The following EPHA3 variants were observed in gnomAD, a reference collection of about 807,000 sequenced individuals.
The protein encoded by EPHA3 is EPH receptor A3, also known as ephrin type-A receptor 3.
In EPHA3, 42 loss-of-function variants were observed where a neutral mutation model predicts 107.1. The ratio of observed to expected loss-of-function variants is 0.39; its 90% CI spans 0.31 to 0.51. EPHA3 has a LOEUF of 0.51. Among genes scored for constraint, EPHA3 ranks in the 20% least tolerant of loss-of-function variants. EPHA3 has a pLI of 0.78. For missense variants in EPHA3, 1,183 were observed against 1,211.2 expected, an observed-to-expected ratio of 0.98 and a Z score of 0.35; for synonymous variants, 461 against 424.8, an observed-to-expected ratio of 1.09 and a Z score of -1.05.
At position 89,125,894 on chromosome 3, in the gene EPHA3, C is replaced by T. The variant is rs1207338362; in HGVS notation, c.89-1315C>T. Among the ~76,000 whole-genome samples the T allele has an allele frequency of 6.6e-5, 10 of 151,550 alleles. No individual in the cohort carries two copies. The South Asian group carries it at 1.7e-3, about 25-fold the overall frequency. On this transcript the variant is annotated intron_variant, in intron 1 of 16. Coordinates refer to ENST00000336596, the MANE Select transcript of EPHA3 (RefSeq NM_005233.6). Reference sequence around the variant, plus strand: ...CAAATATGTAATTTATTTTTCTTAACATTTTATAAGATTAATATTTCCTTC... The same window carrying T: ...CAAATATGTAATTTATTTTTCTTAATATTTTATAAGATTAATATTTCCTTC...
At chr3:89,437,835 A>C (rs926489383) in intron 13 of EPHA3, among the ~76,000 whole-genome samples, 2 of 152,156 alleles carry the variant, frequency 1.3e-5, no homozygotes, top group African/African-American at 4.8e-5. Context: ...CCTTAAGTTC[A>C]TTTTGGGAGC....
At chr3:89,240,726 A>G (rs1704875631) in intron 3 of EPHA3, among the ~76,000 whole-genome samples, 1 of 152,018 alleles carries the variant, frequency 6.6e-6, no homozygotes, top group Admixed American at 6.6e-5. Context: ...CTATCTAACT[A>G]AACTATAGAA....
chr3:89,290,956 G>A (rs1706194857), intron 3 of EPHA3, among the ~76,000 whole-genome samples: 1 of 152,092 alleles, frequency 6.6e-6, no homozygotes, highest in Non-Finnish European at 1.5e-5. Flanking sequence ...AATACCAAGG[G>A]TATATTGAGT....
chr3:89,429,133 A>G lies in EPHA3; in HGVS notation c.2102A>G (p.Tyr701Cys). The G allele has an allele frequency of 6.2e-7, 1 of 1,610,870 alleles. No individual in the cohort carries two copies. The highest frequency in any genetic ancestry group is 8.5e-7 in the Non-Finnish European group (1 of 1,177,650). ...KSKPVMIVTE[Y>C]MENGSLDSFL... ...AAGCCAGTTATGATTGTCACAGAAT[A>G]CATGGAGAATGGTTCCTTGGATAGT... is the stretch of plus-strand genomic sequence containing the variant. The change falls in exon 12 of 17, where the codon TAC becomes TGC. Residue 701 changes from tyrosine to cysteine, a missense_variant. Coordinates refer to ENST00000336596, the MANE Select transcript of EPHA3 (RefSeq NM_005233.6).
chr3:89,202,724 AAAC>A (rs964170997), intron 2 of EPHA3, among the ~76,000 whole-genome samples: 1 of 152,032 alleles, frequency 6.6e-6, no homozygotes, highest in Non-Finnish European at 1.5e-5. Flanking sequence ...GAATGCTATC[AAAC>A]TACAGCAAAC....
chr3:89,388,831 T>C (rs1708672348), intron 5 of EPHA3, among the ~76,000 whole-genome samples: 1 of 152,210 alleles, frequency 6.6e-6, no homozygotes, highest in Admixed American at 6.5e-5. Flanking sequence ...CTTAACATTT[T>C]AGAAAACCTA....
intron 5 of EPHA3, among the ~76,000 whole-genome samples, chr3:89,391,958 T>G (rs1708752968): frequency 6.6e-6 from 1 of 152,154 alleles, no homozygotes; most frequent in African/African-American, 2.4e-5. Context: ...TTGCTAAAAA[T>G]TATTACCTTT....
intron 5 of EPHA3, among the ~76,000 whole-genome samples, chr3:89,366,304 A>C (rs1245655417): frequency 2.7e-5 from 4 of 150,572 alleles, no homozygotes; most frequent in Non-Finnish European, 4.5e-5. Context: ...AGAATTGAAT[A>C]AAGGAGCAAG....
chr3:89,110,104 T>C (rs1403262771), intron 1 of EPHA3, among the ~76,000 whole-genome samples: 1 of 151,550 alleles, frequency 6.6e-6, no homozygotes, highest in Non-Finnish European at 1.5e-5. Context: ...ATGAGAGGAG[T>C]GGTGATTTAA....
intron 2 of EPHA3, among the ~76,000 whole-genome samples, chr3:89,208,836 G>C (rs1374063853): frequency 1.3e-5 from 2 of 152,110 alleles, no homozygotes; most frequent in South Asian, 4.1e-4. Context: ...AAGTTTTTGC[G>C]TAAGTAACAG....
At chr3:89,291,211 T>A (rs1396657525) in intron 3 of EPHA3, among the ~76,000 whole-genome samples, 3 of 152,180 alleles carry the variant, frequency 2.0e-5, no homozygotes, top group African/African-American at 7.2e-5. Flanking sequence ...TATTATGGGG[T>A]TGGTCTAGTT....
At chr3:89,425,273 A>G (rs1709432677) in intron 11 of EPHA3, among the ~76,000 whole-genome samples, 2 of 151,506 alleles carry the variant, frequency 1.3e-5, no homozygotes, top group African/African-American at 2.4e-5. Flanking sequence ...TATTCATTAC[A>G]ATATTTTTAT....
rs774146122 is a variant in EPHA3, at chr3:89,408,146, T to C, written c.1762+15T>C. ...CAATGGGCATTGTAAGTTTCTAAAC[T>C]TGGCTTTTTGTTTTGCTTCACCGTT... On this transcript the variant is annotated intron_variant, in intron 9 of 16. Coordinates refer to ENST00000336596, the MANE Select transcript of EPHA3 (RefSeq NM_005233.6). The C allele has an allele frequency of 4.7e-5, 76 of 1,611,848 alleles. No homozygotes were observed. Among genetic ancestry groups the C allele is most frequent in the Non-Finnish European group, 6.3e-5 (74 of 1,178,482 alleles).
intron 1 of EPHA3, among the ~76,000 whole-genome samples, 189 bp downstream of exon 1, chr3:89,108,025 A>G (rs1241110957): frequency 6.6e-6 from 1 of 152,000 alleles, no homozygotes; most frequent in Non-Finnish European, 1.5e-5. Context: ...ATAATTTTAG[A>G]TGGTCTAAAC....
At chr3:89,203,251 G>T (rs1163948992) in intron 2 of EPHA3, among the ~76,000 whole-genome samples, 9 of 145,770 alleles carry the variant, frequency 6.2e-5, no homozygotes, top group Admixed American at 5.5e-4. Flanking sequence ...TTTTGTTTTT[G>T]TTGTTGTTGT....
chr3:89,442,860 T>G (rs1007903386), intron 13 of EPHA3, among the ~76,000 whole-genome samples: 15 of 152,208 alleles, frequency 9.9e-5, no homozygotes, highest in Non-Finnish European at 1.6e-4. Flanking sequence ...TCATAAGTCT[T>G]GTGTGCCTGT....
intron 3 of EPHA3, among the ~76,000 whole-genome samples, chr3:89,244,282 G>A (rs1704979326): frequency 6.6e-6 from 1 of 151,900 alleles, no homozygotes; most frequent in African/African-American, 2.4e-5. Context: ...CTGAATGAAA[G>A]TATCTTTGTT....
intron 10 of EPHA3, 61 bp from the exon 11 acceptor site, chr3:89,419,144 C>T: frequency 6.8e-7 from 1 of 1,479,746 alleles, no homozygotes; most frequent in Non-Finnish European, 9.0e-7. Context: ...CAGTTGCTCT[C>T]TACTGATGAA....
chr3:89,216,781 G>T (rs1394888364), intron 3 of EPHA3, among the ~76,000 whole-genome samples: 1 of 152,048 alleles, frequency 6.6e-6, no homozygotes, highest in Non-Finnish European at 1.5e-5. Context: ...CAACTTTCAA[G>T]ATGCAATGTA....
Sources: gnomAD v4.1 joint callset for allele counts (sites outside exome capture counted in the v4.1 genomes callset) on GRCh38, gnomAD v4.1.1 for gene constraint, MANE v1.5 for transcripts, NCBI Gene and HGNC (gene_info 2026-07-23, HGNC 2026-07-21) for gene names.